ZSCAN32: variants seen among roughly 807,000 people sequenced by gnomAD.
The protein encoded by ZSCAN32 is zinc finger and SCAN domain-containing protein 32.
In ZSCAN32, 52 loss-of-function variants were observed where a neutral mutation model predicts 47.4. The ratio of observed to expected loss-of-function variants is 1.10; its 90% confidence interval spans 0.88 to 1.38. The LOEUF (loss-of-function observed/expected upper bound fraction) is 1.38. ZSCAN32 is among the 40% of genes most tolerant of loss of function. The pLI, the probability that ZSCAN32 is intolerant of heterozygous loss-of-function variation, is 0.00. For synonymous variants in ZSCAN32, 346 were observed against 305.7 expected (o/e 1.13, Z -1.38); for missense variants, 959 against 846.0 (o/e 1.13, Z -1.66).
At chr16:3,393,843 A>G (rs2033106611) in intron 2 of ZSCAN32, 29 bp from the exon 3 acceptor site, 2 of 1,506,586 alleles carry the variant, frequency 1.3e-6, no homozygotes, top group African/African-American at 1.4e-5. Flanking sequence ...ATCTATCACT[A>G]CAAATTCCTG....
At chr16:3,395,411 T>C (rs909433820) in intron 2 of ZSCAN32, among the ~76,000 whole-genome samples, 3 of 152,154 alleles carry the variant, frequency 2.0e-5, no homozygotes, top group African/African-American at 7.2e-5. Flanking sequence ...ATGGGGGCAG[T>C]TTCCTCCATG....
At chr16:3,385,204 T>C (rs1310985633) in intron 5 of ZSCAN32, among the ~76,000 whole-genome samples, 6 of 152,084 alleles carry the variant, frequency 3.9e-5, no homozygotes, top group East Asian at 1.9e-4. Flanking sequence ...CGTGTGCCTG[T>C]AGTCCCAGCT....
chr16:3,382,822 G>C lies in ZSCAN32; in HGVS notation c.*30C>G. The C allele has an allele frequency of 6.5e-7, 1 of 1,533,122 alleles. No homozygotes were observed. Among genetic ancestry groups the C allele is most frequent in the Non-Finnish European group, 8.8e-7 (1 of 1,139,018 alleles). The allele number at this position is 1,533,122 out of a possible 1,614,324, so 95.0% of individuals were successfully genotyped here. A position where few individuals can be genotyped will look rare whatever the true frequency, so the allele number is the denominator to read the frequency against. ...AGAAAGCTCATACATGCTGACCTGA[G>C]GAACTTAATCTGACAGTTTACCGAC... On this transcript the variant is annotated 3_prime_UTR_variant, in exon 7 of 7. Coordinates refer to ENST00000396852, the MANE Select transcript of ZSCAN32 (RefSeq NM_001284527.2).
At position 3,390,053 on chromosome 16, in the gene ZSCAN32, G is replaced by C; in HGVS notation, c.708C>G (p.Leu236=). ...WMCPGPAQRA[L]YRGATQRKDS... The stretch of plus-strand genomic sequence containing the variant: ...CCTTCCTCTGGGTGGCACCCCTGTA[G>C]AGGGCCCTTTGTGCAGGGCCTGGGC... The change falls in exon 5 of 7, where the codon CTC becomes CTG. Residue 236 remains leucine (L), a synonymous_variant. Transcript: ENST00000396852. 1 of 1,611,144 alleles carries C rather than the reference G, an allele frequency of 6.2e-7. No homozygotes were observed. The highest frequency in any genetic ancestry group is 8.5e-7 in the Non-Finnish European group (1 of 1,178,190).
intron 2 of ZSCAN32, among the ~76,000 whole-genome samples, chr16:3,396,889 C>A (rs142359557): frequency 6.6e-6 from 1 of 152,322 alleles, no homozygotes; most frequent in East Asian, 1.9e-4. Flanking sequence ...AGTTTTCCTC[C>A]ATCCCCTGAG....
intron 5 of ZSCAN32, among the ~76,000 whole-genome samples, chr16:3,387,059 TAATAC>T (rs1174633798): frequency 6.6e-6 from 1 of 152,156 alleles, no homozygotes; most frequent in Non-Finnish European, 1.5e-5. Context: ...ACTTTTAGTA[TAATAC>T]AAAAGACATT....
chr16:3,384,499 G>A lies in ZSCAN32; in HGVS notation c.1194C>T (p.Val398=). 1 of 1,614,112 alleles carries A rather than the reference G, an allele frequency of 6.2e-7. No homozygotes were observed. Among genetic ancestry groups the A allele is most frequent in the East Asian group, 2.2e-5 (1 of 44,878 alleles). ...EKDFRNPGQE[V]RKLDLPVLFP... ...ACAGCACTGGCAGGTCTAGTTTCCTGACTTCCTGGCCAGGATTCCTGAAGT... is the reference window on the plus strand; with the variant it reads ...ACAGCACTGGCAGGTCTAGTTTCCTAACTTCCTGGCCAGGATTCCTGAAGT... The change falls in exon 6 of 7, where the codon GTC becomes GTT. Residue 398 remains valine, a synonymous_variant. Coordinates refer to ENST00000396852, the MANE Select transcript of ZSCAN32 (RefSeq NM_001284527.2).
intron 5 of ZSCAN32, among the ~76,000 whole-genome samples, chr16:3,386,871 A>T (rs970894788): frequency 6.6e-6 from 1 of 151,902 alleles, no homozygotes; most frequent in African/African-American, 2.4e-5. Flanking sequence ...CAGCACACCA[A>T]CATGGCACAT....
Position 3,389,601 on chromosome 16 carries a change from G to T in ZSCAN32, c.751+409C>A, listed in dbSNP as rs553261882. 4.5e-4 allele frequency among the ~76,000 whole-genome samples: 68 copies of T among 152,174 alleles called. 1 individual carries two copies. Among genetic ancestry groups the T allele is most frequent in the Non-Finnish European group, 7.8e-4 (53 of 68,028 alleles). The stretch of plus-strand genomic sequence containing the variant: ...CTGGGCATAGTAGACTGTCCTGGTT[G>T]GGTGGTTTTATTTGTTAATCTCCTC... On this transcript the variant is annotated intron_variant, in intron 5 of 6. Coordinates refer to ENST00000396852, the MANE Select transcript of ZSCAN32 (RefSeq NM_001284527.2).
In ZSCAN32 at chr16:3,382,696, C is replaced by T. The variant is rs73491719; in HGVS notation, c.*156G>A. 1.1e-3 allele frequency: 1,335 copies of T among 1,196,458 alleles called. 9 individuals carry two copies. In the African/African-American group the frequency reaches 0.017, roughly 15 times the overall value. The allele number at this position is 1,196,458 out of a possible 1,614,324, so 74.1% of individuals were successfully genotyped here. A position where few individuals can be genotyped will look rare whatever the true frequency, so the allele number is the denominator to read the frequency against. The stretch of plus-strand genomic sequence containing the variant: ...CACAGGCACAGCCAGGAGAGGTCAG[C>T]GTCCTTATGCTGACTCCTGGTCCTA... On this transcript the variant is annotated 3_prime_UTR_variant, in exon 7 of 7. Transcript: ENST00000396852.
At chr16:3,393,990 C>T (rs2033124194) in intron 2 of ZSCAN32, among the ~76,000 whole-genome samples, 176 bp from the exon 3 acceptor site, 1 of 152,134 alleles carries the variant, frequency 6.6e-6, no homozygotes, top group African/African-American at 2.4e-5. Context: ...ATTTGAGGGG[C>T]AGTAGCTTAC....
chr16:3,389,549 G>GA (rs1183698553), intron 5 of ZSCAN32, among the ~76,000 whole-genome samples: 1 of 152,192 alleles, frequency 6.6e-6, no homozygotes, highest in Non-Finnish European at 1.5e-5. Context: ...GAGATGCTGG[G>GA]AAAGGGCCTG....
At position 3,397,354 on chromosome 16, in the gene ZSCAN32, C is replaced by T. The variant is rs1482164509; in HGVS notation, c.204G>A (p.Pro68=). Reference sequence around the variant, plus strand: ...GGATTTCCTCTTTTGAGTGGGTCTTCGGCCTCAGCCACTGACAACAGAGTT... The same window carrying T: ...GGATTTCCTCTTTTGAGTGGGTCTTTGGCCTCAGCCACTGACAACAGAGTT... ...LWELCCQWLR[P]KTHSKEEILE... Residue 68 remains proline, a synonymous_variant, in exon 2 of 7, where the codon CCG becomes CCA. Coordinates refer to ENST00000396852, the MANE Select transcript of ZSCAN32 (RefSeq NM_001284527.2). 10 of 1,558,384 alleles carry T rather than the reference C, an allele frequency of 6.4e-6. No individual in the cohort carries two copies. The highest frequency in any genetic ancestry group is 3.5e-5 in the South Asian group (3 of 84,652).
At chr16:3,393,222 ATATATAAATTTATATAT>A (rs2032988957) in intron 3 of ZSCAN32, among the ~76,000 whole-genome samples, 14 of 26,138 alleles carry the variant, frequency 5.4e-4, no homozygotes, top group African/African-American at 4.6e-3. Flanking sequence ...ATATATATAT[ATATATAAATTTATATAT>A]TTTATATATA....
chr16:3,398,823 C>CCA (rs1232598052), intron 1 of ZSCAN32, among the ~76,000 whole-genome samples: 5 of 152,066 alleles, frequency 3.3e-5, no homozygotes, highest in Admixed American at 6.6e-5. Flanking sequence ...TACTATTACT[C>CCA]CACACACACA....
In ZSCAN32 at chr16:3,393,789, TTCAAGTCCTTCTCAGAATC is replaced by T; in HGVS notation, c.373_391del (p.Asp125LysfsTer4). On this transcript the variant is annotated frameshift_variant, in exon 3 of 7. Coordinates refer to ENST00000396852, the MANE Select transcript of ZSCAN32 (RefSeq NM_001284527.2). LOFTEE classifies it high-confidence loss of function. Reference sequence around the variant, plus strand: ...AGGGGCCATCTCCTTCATGAGTACTTTCAAGTCCTTCTCAGAATCTAGAACCTGAGAACAGACCCCATTA... The same window carrying T: ...AGGGGCCATCTCCTTCATGAGTACTTTAGAACCTGAGAACAGACCCCATTA... The T allele has an allele frequency of 8.4e-6, 13 of 1,549,698 alleles. No individual in the cohort carries two copies. Among genetic ancestry groups the T allele is most frequent in the Non-Finnish European group, 1.1e-5 (13 of 1,146,422 alleles).
intron 2 of ZSCAN32, among the ~76,000 whole-genome samples, chr16:3,395,085 T>C (rs2033243470): frequency 6.6e-6 from 1 of 152,364 alleles, no homozygotes; most frequent in South Asian, 2.1e-4. Context: ...GTGCCTGTCC[T>C]GTTCACTGTA....
Position 3,393,721 on chromosome 16 carries a change from C to G in ZSCAN32, c.460G>C (p.Glu154Gln), listed in dbSNP as rs777286694. 1.9e-6 allele frequency: 3 copies of G among 1,550,382 alleles called. No homozygotes were observed. Among genetic ancestry groups the G allele is most frequent in the Non-Finnish European group, 2.6e-6 (3 of 1,146,968 alleles). The change falls in exon 3 of 7, where the codon GAG becomes CAG. Residue 154 changes from glutamate to glutamine, a missense_variant. Physicochemically the swap from Glu to Gln is conservative, Grantham distance 29 (BLOSUM62 2). Transcript: ENST00000396852. ...AAAGTCGGTTCCTCTGGCTGAACCT[C>G]CTGTTTCCATTGGGATCTCAGTGAT... ...RESLRSQWKQ[E>Q]VQPEEPTFKG...
At chr16:3,393,877 T>C in intron 2 of ZSCAN32, 63 bp from the exon 3 acceptor site, 1 of 1,367,252 alleles carries the variant, frequency 7.3e-7, no homozygotes, top group East Asian at 2.6e-5. Flanking sequence ...TTACAACTCC[T>C]AAGAGTGGCA....
Sources: allele counts gnomAD v4.1 joint callset (sites outside exome capture counted in the v4.1 genomes callset), GRCh38; gene constraint gnomAD v4.1.1; transcripts MANE v1.5; gene names NCBI Gene and HGNC (gene_info 2026-07-23, HGNC 2026-07-21).